TRIM33: variants seen among roughly 807,000 people sequenced by gnomAD.
TRIM33 encodes the protein tripartite motif containing 33, also known as E3 ubiquitin-protein ligase TRIM33.
A neutral mutation model predicts 125.4 loss-of-function variants in TRIM33; 20 were observed. The ratio of observed to expected loss-of-function variants is 0.16; its 90% CI spans 0.11 to 0.23. The LOEUF (loss-of-function observed/expected upper bound fraction) is 0.23, where lower values mean the gene tolerates loss of function less well. Ranked by LOEUF, TRIM33 falls within the 10% of genes least tolerant of loss-of-function variation. The pLI is 1.00. For synonymous variants in TRIM33, 564 were observed against 513.9 expected, an observed-to-expected ratio of 1.10 and a Z score of -1.32; for missense variants, 920 against 1,411.4, an observed-to-expected ratio of 0.65 and a Z score of 5.58.
At chr1:114,471,362 A>G (rs191056844) in intron 1 of TRIM33, among the ~76,000 whole-genome samples, 7 of 151,260 alleles carry the variant, frequency 4.6e-5, no homozygotes, top group Admixed American at 2.6e-4. Context: ...AACTGCTTGA[A>G]CCCAGGAGGC....
chr1:114,464,795 G>A (rs1299848638), intron 1 of TRIM33, among the ~76,000 whole-genome samples: 1 of 152,198 alleles, frequency 6.6e-6, no homozygotes, highest in Non-Finnish European at 1.5e-5. Context: ...GAAGAGGAAG[G>A]TAAGACTACA....
At chr1:114,474,925 C>A (rs755473796) in intron 1 of TRIM33, among the ~76,000 whole-genome samples, 74 of 149,890 alleles carry the variant, frequency 4.9e-4, no homozygotes, top group Non-Finnish European at 9.0e-4. Context: ...AGTGGCTATT[C>A]TAATATCAGA....
intron 1 of TRIM33, among the ~76,000 whole-genome samples, chr1:114,502,947 C>T (rs1652796777): frequency 6.6e-6 from 1 of 152,108 alleles, no homozygotes; most frequent in African/African-American, 2.4e-5. Context: ...TGGATATATG[C>T]TTCTGCATTT....
rs557238557 is a variant in TRIM33 at position 114,490,428 on chromosome 1, T to C, written c.526+20123A>G. On this transcript the variant is annotated intron_variant, in intron 1 of 19. Coordinates refer to ENST00000358465, the MANE Select transcript of TRIM33 (RefSeq NM_015906.4). ...ATAGAGAAACTGGAACCCTCATACA[T>C]ATTGCTGATGGTAAAGAAAAATGCT... 4.3e-4 allele frequency among the ~76,000 whole-genome samples: 65 copies of C among 152,312 alleles called. 1 individual carries two copies. The South Asian group carries it at 0.013, about 31-fold the overall frequency.
intron 1 of TRIM33, among the ~76,000 whole-genome samples, chr1:114,509,602 T>C (rs986458005): frequency 1.3e-5 from 2 of 152,228 alleles, no homozygotes; most frequent in Non-Finnish European, 2.9e-5. Context: ...ACACAGTCTT[T>C]AGTTCCAGGG....
intron 4 of TRIM33, among the ~76,000 whole-genome samples, chr1:114,454,070 T>C (rs1649486334): frequency 6.6e-6 from 1 of 152,188 alleles, no homozygotes; most frequent in Non-Finnish European, 1.5e-5. Context: ...AACCTGAGTG[T>C]AGTTTTAGGG....
At chr1:114,463,346 T>C in intron 3 of TRIM33, 66 bp downstream of exon 3, 1 of 1,560,846 alleles carries the variant, frequency 6.4e-7, no homozygotes, top group Non-Finnish European at 8.7e-7. Context: ...AAGTAGAAAA[T>C]TCTATAGGGG....
At chr1:114,502,284 A>G (rs982562696) in intron 1 of TRIM33, among the ~76,000 whole-genome samples, 3 of 152,146 alleles carry the variant, frequency 2.0e-5, no homozygotes, top group African/African-American at 7.2e-5. Context: ...CTGAGACATT[A>G]TCATGTTCTT....
chr1:114,509,422 TAG>T (rs1372930621), intron 1 of TRIM33, among the ~76,000 whole-genome samples: 7 of 152,262 alleles, frequency 4.6e-5, no homozygotes, highest in Admixed American at 2.6e-4. Flanking sequence ...ACGTGTTTGA[TAG>T]AGTTAACTCA....
At chr1:114,438,929 T>C (rs1158783205) in intron 4 of TRIM33, among the ~76,000 whole-genome samples, 2 of 151,976 alleles carry the variant, frequency 1.3e-5, no homozygotes, top group Non-Finnish European at 2.9e-5. Flanking sequence ...ACCATAAGAG[T>C]TCAGGAAAGG....
rs1336506427 is a variant in TRIM33, at chr1:114,394,231, A to G, written c.*3417T>C. 1 of 229,380 alleles carries G rather than the reference A, an allele frequency of 4.4e-6. No homozygotes were observed. Among genetic ancestry groups the G allele is most frequent in the African/African-American group, 2.2e-5 (1 of 45,120 alleles). 14.2% of individuals were successfully genotyped at this position (229,380 alleles called of 1,614,324 possible). On this transcript the variant is annotated 3_prime_UTR_variant, in exon 20 of 20. Transcript: ENST00000358465. ...GCAAATAAGCAGTGCTGATTTTGAC[A>G]AGAAATGAGATTTTTATATTTCACA...
At chr1:114,453,768 T>A (rs1294989039) in intron 4 of TRIM33, among the ~76,000 whole-genome samples, 2 of 152,186 alleles carry the variant, frequency 1.3e-5, no homozygotes, top group Non-Finnish European at 2.9e-5. Flanking sequence ...GTGAACCACA[T>A]CTATGTGACA....
intron 4 of TRIM33, chr1:114,459,998 C>G (rs1649862904): frequency 6.1e-6 from 1 of 162,946 alleles, no homozygotes; most frequent in Non-Finnish European, 1.4e-5. Flanking sequence ...TTCAATGCAC[C>G]TTCCCACATT....
intron 16 of TRIM33, among the ~76,000 whole-genome samples, chr1:114,402,312 A>G (rs1651947559): frequency 6.6e-6 from 1 of 152,112 alleles, no homozygotes; most frequent in Non-Finnish European, 1.5e-5. Flanking sequence ...AAGCGGGGAG[A>G]GCAGTTAAGA....
intron 1 of TRIM33, among the ~76,000 whole-genome samples, chr1:114,499,508 C>A (rs1393684669): frequency 2.6e-5 from 4 of 151,352 alleles, no homozygotes; most frequent in Non-Finnish European, 1.5e-5. Flanking sequence ...TTTTTCCCCA[C>A]ACCCACATTG....
At chr1:114,447,394 A>G (rs559739591) in intron 4 of TRIM33, among the ~76,000 whole-genome samples, 1 of 150,040 alleles carries the variant, frequency 6.7e-6, no homozygotes, top group East Asian at 2.0e-4. Context: ...TATGCAACTG[A>G]AAAAAAAAAT....
At chr1:114,485,683 C>T (rs890094245) in intron 1 of TRIM33, among the ~76,000 whole-genome samples, 1 of 152,172 alleles carries the variant, frequency 6.6e-6, no homozygotes, top group African/African-American at 2.4e-5. Flanking sequence ...CAGCACTCCA[C>T]TTTTGCCAGG....
chr1:114,494,887 G>T (rs950801166), intron 1 of TRIM33, among the ~76,000 whole-genome samples: 3 of 152,098 alleles, frequency 2.0e-5, no homozygotes, highest in African/African-American at 7.2e-5. Context: ...AGCCTAACTG[G>T]TATTATTTGG....
intron 4 of TRIM33, among the ~76,000 whole-genome samples, chr1:114,434,782 G>A (rs1336370151): frequency 1.3e-5 from 2 of 152,074 alleles, no homozygotes; most frequent in African/African-American, 2.4e-5. Flanking sequence ...TATAATTCAC[G>A]TATATATAAT....
Sources: allele counts gnomAD v4.1 joint callset (sites outside exome capture counted in the v4.1 genomes callset), GRCh38; gene constraint gnomAD v4.1.1; transcripts MANE v1.5; gene names NCBI Gene and HGNC (gene_info 2026-07-23, HGNC 2026-07-21).